The following LIN28B variants were observed in gnomAD, a reference collection of about 807,000 sequenced individuals.
The protein encoded by LIN28B is lin-28 RNA binding posttranscriptional regulator B, also known as protein lin-28 homolog B.
Under a neutral mutation model 21.9 loss-of-function variants are expected in LIN28B, and 5 were observed. The observed-to-expected ratio is 0.23, with a 90% CI of 0.12 to 0.48. The LOEUF (loss-of-function observed/expected upper bound fraction) is 0.48, where lower values mean the gene tolerates loss of function less well. Among genes scored for constraint, LIN28B ranks in the 20% least tolerant of loss-of-function variants. The probability of loss-of-function intolerance (pLI) is 0.98; values close to 1 mark genes in which losing one functional copy is unlikely to be tolerated. For missense variants in LIN28B, 245 were observed against 310.5 expected, an observed-to-expected ratio of 0.79 and a Z score of 1.58; for synonymous variants, 109 against 111.3, an observed-to-expected ratio of 0.98 and a Z score of 0.13.
intron 1 of LIN28B, among the ~76,000 whole-genome samples, chr6:104,957,533 CAGTT>C (rs1236826824): frequency 1.3e-5 from 2 of 151,564 alleles, no homozygotes; most frequent in African/African-American, 4.9e-5. Context: ...AGCGCAGTTT[CAGTT>C]AGTGATTCCA....
chr6:104,965,556 C>G (rs1375217382), intron 2 of LIN28B, among the ~76,000 whole-genome samples: 1 of 152,182 alleles, frequency 6.6e-6, no homozygotes, highest in African/African-American at 2.4e-5. Flanking sequence ...TGGTCTCACT[C>G]TGTTGCCTAG....
chr6:105,065,996 A>T (rs1772211995), intron 3 of LIN28B, among the ~76,000 whole-genome samples: 2 of 152,014 alleles, frequency 1.3e-5, no homozygotes, highest in African/African-American at 4.8e-5. Flanking sequence ...ACATAGTGAG[A>T]CCTCGTCTCC....
intron 2 of LIN28B, among the ~76,000 whole-genome samples, chr6:104,960,312 T>C (rs1769704780): frequency 6.6e-6 from 1 of 152,128 alleles, no homozygotes; most frequent in African/African-American, 2.4e-5. Flanking sequence ...AAGTAACAGA[T>C]GGTTGTAAAT....
chr6:105,012,381 A>C (rs1336608557), intron 2 of LIN28B, among the ~76,000 whole-genome samples: 1 of 151,802 alleles, frequency 6.6e-6, no homozygotes, highest in Non-Finnish European at 1.5e-5. Context: ...AGGCAGGAGA[A>C]TCGCTTGAAC....
intron 2 of LIN28B, among the ~76,000 whole-genome samples, chr6:105,023,554 TATA>T (rs1771208370): frequency 0.17 from 1 of 6 alleles, no homozygotes; most frequent in African/African-American, 0.17. Flanking sequence ...ATATATAACC[TATA>T]TATATATATA....
intron 2 of LIN28B, among the ~76,000 whole-genome samples, chr6:104,979,415 C>T (rs1770173946): frequency 6.6e-6 from 1 of 151,938 alleles, no homozygotes; most frequent in Non-Finnish European, 1.5e-5. Flanking sequence ...ACCATGTTGG[C>T]CAGGCTGGTC....
intron 2 of LIN28B, among the ~76,000 whole-genome samples, chr6:105,023,906 T>TAGGA (rs1249724568): frequency 2.0e-5 from 3 of 151,458 alleles, no homozygotes; most frequent in Non-Finnish European, 4.4e-5. Flanking sequence ...TTGAGTTCAC[T>TAGGA]AGGAACTATG....
At chr6:105,075,310 A>C (rs1289171406) in intron 3 of LIN28B, among the ~76,000 whole-genome samples, 2 of 152,196 alleles carry the variant, frequency 1.3e-5, no homozygotes, top group African/African-American at 4.8e-5. Context: ...AGGGGACTAA[A>C]ATCATGTATA....
At chr6:105,017,358 A>G (rs1191615414) in intron 2 of LIN28B, among the ~76,000 whole-genome samples, 1 of 152,126 alleles carries the variant, frequency 6.6e-6, no homozygotes, top group African/African-American at 2.4e-5. Context: ...TTCTCCATAC[A>G]TGTTTGTCTT....
intron 3 of LIN28B, among the ~76,000 whole-genome samples, chr6:105,037,297 A>G (rs2114359302): frequency 6.6e-6 from 1 of 152,332 alleles, no homozygotes; most frequent in East Asian, 1.9e-4. Context: ...AGCAGTCTCC[A>G]GCTAGACTTT....
At chr6:105,023,309 TTATATTATATATAA>T (rs1330590679) in intron 2 of LIN28B, among the ~76,000 whole-genome samples, 1 of 29,318 alleles carries the variant, frequency 3.4e-5, no homozygotes, top group African/African-American at 1.2e-4. Flanking sequence ...TTATATATAA[TTATATTATATATAA>T]TATATATAAT....
intron 2 of LIN28B, among the ~76,000 whole-genome samples, chr6:104,990,282 T>A (rs1770433744): frequency 6.6e-6 from 1 of 151,578 alleles, no homozygotes; most frequent in Non-Finnish European, 1.5e-5. Context: ...TATTCTGCAG[T>A]TCTGCAGGCA....
intron 2 of LIN28B, among the ~76,000 whole-genome samples, chr6:104,969,144 G>A (rs1325974423): frequency 6.6e-6 from 1 of 152,080 alleles, no homozygotes; most frequent in Admixed American, 6.5e-5. Flanking sequence ...CCTTTCAGGG[G>A]TTGATTAAAC....
chr6:105,064,398 T>C (rs984673969), intron 3 of LIN28B, among the ~76,000 whole-genome samples: 1 of 152,142 alleles, frequency 6.6e-6, no homozygotes, highest in Non-Finnish European at 1.5e-5. Context: ...CAGGATAGAA[T>C]TTGCCCCTCT....
chr6:104,953,873 C>T (rs1778252478), upstream of LIN28B, among the ~76,000 whole-genome samples: 1 of 151,858 alleles, frequency 6.6e-6, no homozygotes, highest in Non-Finnish European at 1.5e-5. Flanking sequence ...AGAACCGAAG[C>T]ATTGTTTCTG....
At chr6:104,974,007 C>A (rs1487141928) in intron 2 of LIN28B, among the ~76,000 whole-genome samples, 1 of 152,184 alleles carries the variant, frequency 6.6e-6, no homozygotes, top group Non-Finnish European at 1.5e-5. Flanking sequence ...CATCATTTGT[C>A]ATCTGAAGAT....
At chr6:105,003,389 G>T (rs1051369350) in intron 2 of LIN28B, among the ~76,000 whole-genome samples, 1 of 152,190 alleles carries the variant, frequency 6.6e-6, no homozygotes, top group African/African-American at 2.4e-5. Context: ...ATTTTGGCTA[G>T]GTAGAAAGTT....
chr6:104,990,966 A>G (rs1004059468), intron 2 of LIN28B, among the ~76,000 whole-genome samples: 2 of 152,228 alleles, frequency 1.3e-5, no homozygotes, highest in Admixed American at 6.5e-5. Context: ...CCTTCTTTCT[A>G]CACAGACACA....
At chr6:105,038,283 G>A (rs979242723) in intron 3 of LIN28B, among the ~76,000 whole-genome samples, 3 of 152,164 alleles carry the variant, frequency 2.0e-5, no homozygotes, top group Non-Finnish European at 4.4e-5. Flanking sequence ...AGAAGCACTG[G>A]GCTGAGGGGT....
Sources: gnomAD v4.1 joint callset for allele counts (sites outside exome capture counted in the v4.1 genomes callset) on GRCh38, gnomAD v4.1.1 for gene constraint, MANE v1.5 for transcripts, NCBI Gene and HGNC (gene_info 2026-07-23, HGNC 2026-07-21) for gene names.